Variants in CCDC6 observed in about 807,000 individuals in gnomAD.
CCDC6 encodes the protein coiled-coil domain containing 6.
CCDC6 carries 20 observed loss-of-function variants against 56.6 expected under a neutral mutation model. The observed-to-expected ratio is 0.35, with a 90% CI of 0.25 to 0.51. CCDC6 has a LOEUF of 0.51. CCDC6 is among the 20% of genes least tolerant of loss of function. The probability of loss-of-function intolerance (pLI) is 0.95; values close to 1 mark genes in which losing one functional copy is unlikely to be tolerated. For missense variants in CCDC6, 367 were observed against 601.1 expected (o/e 0.61, Z 4.07); for synonymous variants, 241 against 234.4 (o/e 1.03, Z -0.26).
rs2070465094 is a variant in CCDC6 at position 59,791,287 on chromosome 10, G to C, written c.*1630C>G. The C allele has an allele frequency of 5.0e-6, 1 of 201,100 alleles. No homozygotes were observed. The highest frequency in any genetic ancestry group is 1.9e-4 in the South Asian group (1 of 5,214). 12.5% of individuals were successfully genotyped at this position (201,100 alleles called of 1,614,324 possible). The stretch of plus-strand genomic sequence containing the variant: ...CAGTTTGGGGGTGGAAGCAGGAAGA[G>C]GTGAAAAAATCTTATTGTTGCTTTT... On this transcript the variant is annotated 3_prime_UTR_variant, in exon 9 of 9. Coordinates refer to ENST00000263102, the MANE Select transcript of CCDC6 (RefSeq NM_005436.5).
intron 1 of CCDC6, among the ~76,000 whole-genome samples, chr10:59,875,737 C>A (rs1184878192): frequency 6.6e-6 from 1 of 152,134 alleles, no homozygotes; most frequent in Non-Finnish European, 1.5e-5. Context: ...CTGGAGAATG[C>A]AAAGGTTTTC....
intron 1 of CCDC6, among the ~76,000 whole-genome samples, chr10:59,877,238 T>G (rs145585951): frequency 7.7e-4 from 118 of 152,314 alleles, no homozygotes; most frequent in African/African-American, 2.5e-3. Flanking sequence ...AGGCATCTAC[T>G]AAGAGCTTTC....
At chr10:59,823,957 T>A (rs969603607) in intron 3 of CCDC6, among the ~76,000 whole-genome samples, 1 of 152,198 alleles carries the variant, frequency 6.6e-6, no homozygotes, top group African/African-American at 2.4e-5. Flanking sequence ...AAGGTCTTTG[T>A]CCCCAGTGGG....
chr10:59,808,303 C>T (rs1380030827), intron 5 of CCDC6, among the ~76,000 whole-genome samples: 1 of 152,116 alleles, frequency 6.6e-6, no homozygotes, highest in Non-Finnish European at 1.5e-5. Flanking sequence ...CAGCTAAGTT[C>T]CCCGGAGCCA....
chr10:59,800,950 GATTA>G (rs1260399173), intron 7 of CCDC6, among the ~76,000 whole-genome samples: 2 of 149,020 alleles, frequency 1.3e-5, no homozygotes, highest in African/African-American at 2.5e-5. Context: ...CTTAAAAAAT[GATTA>G]ATTAAAAGCG....
At chr10:59,906,030 G>A (rs2071542595) in intron 1 of CCDC6, 92 bp downstream of exon 1, 2 of 1,120,994 alleles carry the variant, frequency 1.8e-6, no homozygotes, top group South Asian at 3.1e-5. Flanking sequence ...CCGGGAATCT[G>A]GGGAAGACTT....
At chr10:59,890,550 A>G (rs922223733) in intron 1 of CCDC6, among the ~76,000 whole-genome samples, 10 of 152,262 alleles carry the variant, frequency 6.6e-5, no homozygotes, top group African/African-American at 2.4e-4. Flanking sequence ...TGCTGAATGC[A>G]CCCTGAGAGC....
intron 7 of CCDC6, among the ~76,000 whole-genome samples, chr10:59,798,406 G>T (rs2070543147): frequency 1.3e-5 from 2 of 152,162 alleles, no homozygotes; most frequent in Admixed American, 1.3e-4. Context: ...TGTGCCCTCA[G>T]CATCTAATAC....
intron 2 of CCDC6, among the ~76,000 whole-genome samples, chr10:59,833,335 G>A (rs530489818): frequency 1.3e-5 from 2 of 152,104 alleles, no homozygotes; most frequent in Non-Finnish European, 2.9e-5. Context: ...TGTAATCCCG[G>A]CTACTTGGGA....
intron 2 of CCDC6, among the ~76,000 whole-genome samples, chr10:59,848,004 C>T (rs1589049047): frequency 1.3e-5 from 2 of 152,152 alleles, no homozygotes; most frequent in East Asian, 3.9e-4. Context: ...CCAGCGCCCT[C>T]CCACATCCCA....
chr10:59,883,941 A>T (rs965477688), intron 1 of CCDC6, among the ~76,000 whole-genome samples: 2 of 152,182 alleles, frequency 1.3e-5, no homozygotes, highest in Non-Finnish European at 2.9e-5. Flanking sequence ...ATTTTCTAGC[A>T]TTTTTACAAA....
At chr10:59,894,348 G>C (rs2071445680) in intron 1 of CCDC6, among the ~76,000 whole-genome samples, 2 of 152,330 alleles carry the variant, frequency 1.3e-5, no homozygotes, top group South Asian at 4.1e-4. Context: ...TGTGGGAGGA[G>C]TGCCTTGTCC....
At chr10:59,903,671 C>T (rs906038590) in intron 1 of CCDC6, among the ~76,000 whole-genome samples, 1 of 152,096 alleles carries the variant, frequency 6.6e-6, no homozygotes, top group Non-Finnish European at 1.5e-5. Flanking sequence ...TACCATCTTC[C>T]CTTCAAATTA....
intron 1 of CCDC6, among the ~76,000 whole-genome samples, chr10:59,878,051 A>G (rs553376039): frequency 6.6e-6 from 1 of 152,352 alleles, no homozygotes; most frequent in South Asian, 2.1e-4. Context: ...AAGCATTTCA[A>G]TGGAATAAAT....
chr10:59,882,805 A>G (rs1019301913), intron 1 of CCDC6, among the ~76,000 whole-genome samples: 1 of 152,132 alleles, frequency 6.6e-6, no homozygotes, highest in Non-Finnish European at 1.5e-5. Flanking sequence ...GTAAAAACAC[A>G]AAAAATTAGC....
At chr10:59,847,114 G>A (rs2070999068) in intron 2 of CCDC6, among the ~76,000 whole-genome samples, 1 of 151,892 alleles carries the variant, frequency 6.6e-6, no homozygotes. Flanking sequence ...GTGCAGTGGC[G>A]CTATCTCGGC....
At position 59,789,672 on chromosome 10, in the gene CCDC6, C is replaced by G. The variant is rs1291281350; in HGVS notation, c.*3245G>C. 4.5e-6 allele frequency: 1 copy of G among 223,122 alleles called. No individual in the cohort carries two copies. The highest frequency in any genetic ancestry group is 9.0e-6 in the Non-Finnish European group (1 of 111,590). 13.8% of individuals were successfully genotyped at this position (223,122 alleles called of 1,614,324 possible). Reference sequence around the variant, plus strand: ...GGTTACCTATAAGACAAGTACTAGACAGAAGATCAAGTTACACAGAAATAT... The same window carrying G: ...GGTTACCTATAAGACAAGTACTAGAGAGAAGATCAAGTTACACAGAAATAT... On this transcript the variant is annotated 3_prime_UTR_variant, in exon 9 of 9. Transcript: ENST00000263102.
At chr10:59,798,032 A>G (rs886607648) in intron 7 of CCDC6, among the ~76,000 whole-genome samples, 6 of 152,184 alleles carry the variant, frequency 3.9e-5, no homozygotes, top group African/African-American at 1.4e-4. Flanking sequence ...TGCAGAAGTC[A>G]CCAGCCGGTC....
At chr10:59,858,290 T>A (rs1268907903) in intron 1 of CCDC6, among the ~76,000 whole-genome samples, 6 of 152,202 alleles carry the variant, frequency 3.9e-5, no homozygotes, top group Non-Finnish European at 8.8e-5. Context: ...CTCCGCATAC[T>A]GCACACTAGC....
Sources: gnomAD v4.1 joint callset for allele counts (sites outside exome capture counted in the v4.1 genomes callset) on GRCh38, gnomAD v4.1.1 for gene constraint, MANE v1.5 for transcripts, NCBI Gene and HGNC (gene_info 2026-07-23, HGNC 2026-07-21) for gene names.